Variants in CBLB observed in about 807,000 individuals in gnomAD.
CBLB encodes the protein Cbl proto-oncogene B, also known as E3 ubiquitin-protein ligase CBL-B.
In CBLB, 31 loss-of-function variants were observed where a neutral mutation model predicts 104.9. That is an observed-to-expected ratio of 0.30 (90% CI 0.22 to 0.40). The LOEUF (loss-of-function observed/expected upper bound fraction) is 0.40, where lower values mean the gene tolerates loss of function less well. CBLB is among the 10% of genes least tolerant of loss of function. The pLI is 1.00. For missense variants in CBLB, 1,062 were observed against 1,214.6 expected (o/e 0.87, Z 1.87); for synonymous variants, 440 against 422.6 (o/e 1.04, Z -0.51).
At chr3:105,762,554 A>T (rs1026386222) in intron 4 of CBLB, among the ~76,000 whole-genome samples, 1 of 152,266 alleles carries the variant, frequency 6.6e-6, no homozygotes, top group Admixed American at 6.5e-5. Flanking sequence ...AAGCCTTGGC[A>T]GCTTCCACAT....
chr3:105,829,666 CAAAAAAAA>C (rs71627689), intron 3 of CBLB, among the ~76,000 whole-genome samples: 156 of 46,960 alleles, frequency 3.3e-3, no homozygotes, highest in African/African-American at 0.011. Context: ...AAGACCGTCC[CAAAAAAAA>C]AAAAAAAAAA....
At chr3:105,849,127 T>C (rs190652394) in intron 3 of CBLB, among the ~76,000 whole-genome samples, 57 of 152,270 alleles carry the variant, frequency 3.7e-4, no homozygotes, top group Non-Finnish European at 4.4e-5. Flanking sequence ...TTAGACTCAG[T>C]TTGCATTTGG....
At chr3:105,662,143 A>G (rs765915356) in intron 18 of CBLB, among the ~76,000 whole-genome samples, 2 of 152,278 alleles carry the variant, frequency 1.3e-5, no homozygotes, top group East Asian at 3.9e-4. Flanking sequence ...CATTAGAGCA[A>G]ATTGCTTAGA....
At chr3:105,785,135 G>A (rs1460299645) in intron 3 of CBLB, among the ~76,000 whole-genome samples, 1 of 152,142 alleles carries the variant, frequency 6.6e-6, no homozygotes, top group Non-Finnish European at 1.5e-5. Flanking sequence ...ATCTTTGTTA[G>A]AGAAGAAAAA....
chr3:105,776,116 T>C (rs1265156681), intron 4 of CBLB, among the ~76,000 whole-genome samples: 1 of 152,226 alleles, frequency 6.6e-6, no homozygotes, highest in Non-Finnish European at 1.5e-5. Flanking sequence ...TTCTCATGTA[T>C]AAAGACTCTT....
At chr3:105,699,917 T>C (rs1347007756) in intron 12 of CBLB, among the ~76,000 whole-genome samples, 1 of 152,130 alleles carries the variant, frequency 6.6e-6, no homozygotes, top group Non-Finnish European at 1.5e-5. Context: ...GATATTAGCA[T>C]TGCAATATAA....
chr3:105,696,810 T>G (rs780255102), intron 12 of CBLB, among the ~76,000 whole-genome samples: 1 of 151,936 alleles, frequency 6.6e-6, no homozygotes, highest in Non-Finnish European at 1.5e-5. Flanking sequence ...TAACTTTCCT[T>G]GCCATGGTCT....
At chr3:105,705,132 T>C (rs1157453742) in intron 10 of CBLB, among the ~76,000 whole-genome samples, 1 of 152,214 alleles carries the variant, frequency 6.6e-6, no homozygotes, top group Non-Finnish European at 1.5e-5. Flanking sequence ...TGTTTCTGAA[T>C]GCTAGTATTT....
chr3:105,862,346 G>A (rs1577984946), intron 2 of CBLB, among the ~76,000 whole-genome samples: 1 of 152,082 alleles, frequency 6.6e-6, no homozygotes, highest in Non-Finnish European at 1.5e-5. Flanking sequence ...TCCTTCTTAC[G>A]TTCCTTACCT....
intron 17 of CBLB, chr3:105,672,375 T>C: frequency 5.6e-6 from 1 of 178,572 alleles, no homozygotes; most frequent in Middle Eastern, 2.2e-3. Flanking sequence ...TCATGTTCTA[T>C]CTTGCATCAT....
intron 8 of CBLB, among the ~76,000 whole-genome samples, chr3:105,736,091 C>T (rs1459946143): frequency 2.0e-5 from 3 of 152,060 alleles, no homozygotes; most frequent in African/African-American, 4.8e-5. Context: ...TATCTACTGT[C>T]TTAAAAAAAG....
chr3:105,666,780 G>A (rs1481974506), intron 18 of CBLB, among the ~76,000 whole-genome samples: 2 of 152,110 alleles, frequency 1.3e-5, no homozygotes, highest in Admixed American at 1.3e-4. Context: ...AATATATCCA[G>A]AAAATGGTTA....
chr3:105,753,894 TAAC>T (rs1405356529), intron 4 of CBLB, among the ~76,000 whole-genome samples: 1 of 152,182 alleles, frequency 6.6e-6, no homozygotes, highest in African/African-American at 2.4e-5. Context: ...CCCTTCATAA[TAAC>T]AATTTACAAA....
In CBLB at chr3:105,845,683, C is replaced by A. The variant is rs544341184; in HGVS notation, c.419+7731G>T. 3.9e-5 allele frequency among the ~76,000 whole-genome samples: 6 copies of A among 152,140 alleles called. No homozygotes were observed. The East Asian group carries it at 1.2e-3, about 29-fold the overall frequency. ...ATAAAGTCCTTAACAGTCAAAGATT[C>A]TGCAAGCTCTCACCTGCCTCCCCTA... On this transcript the variant is annotated intron_variant, in intron 3 of 18. Coordinates refer to ENST00000394030, the MANE Select transcript of CBLB (RefSeq NM_170662.5).
intron 3 of CBLB, among the ~76,000 whole-genome samples, chr3:105,790,522 C>T (rs966430147): frequency 6.6e-6 from 1 of 152,130 alleles, no homozygotes; most frequent in Admixed American, 6.5e-5. Context: ...TGAGGACCTG[C>T]TAAAATCTGC....
intron 7 of CBLB, among the ~76,000 whole-genome samples, chr3:105,740,011 G>A (rs1459344590): frequency 6.6e-6 from 1 of 152,224 alleles, no homozygotes; most frequent in African/African-American, 2.4e-5. Flanking sequence ...GCTGAGGCAG[G>A]GGAATCCCTT....
chr3:105,665,149 T>C (rs1224931448), intron 18 of CBLB, among the ~76,000 whole-genome samples: 1 of 151,994 alleles, frequency 6.6e-6, no homozygotes, highest in Admixed American at 6.6e-5. Context: ...ACGCCTATAA[T>C]CCTAGCAGTT....
At chr3:105,866,305 G>A (rs1278667187) in intron 2 of CBLB, among the ~76,000 whole-genome samples, 1 of 152,144 alleles carries the variant, frequency 6.6e-6, no homozygotes, top group African/African-American at 2.4e-5. Context: ...ACTGATAGTG[G>A]CTTTTATAGC....
At chr3:105,829,149 T>C (rs557585713) in intron 3 of CBLB, among the ~76,000 whole-genome samples, 3 of 152,006 alleles carry the variant, frequency 2.0e-5, no homozygotes, top group African/African-American at 7.2e-5. Flanking sequence ...TTCCCCAAAG[T>C]AATGAAAAAA....
Sources: allele counts gnomAD v4.1 joint callset (sites outside exome capture counted in the v4.1 genomes callset), GRCh38; gene constraint gnomAD v4.1.1; transcripts MANE v1.5; gene names NCBI Gene and HGNC (gene_info 2026-07-23, HGNC 2026-07-21).